SOX6: variants seen among roughly 807,000 people sequenced by gnomAD.
SOX6 encodes SRY-box transcription factor 6.
SOX6 carries 11 observed loss-of-function variants against 97.8 expected under a neutral mutation model. The observed-to-expected ratio is 0.11, with a 90% CI of 0.07 to 0.19. The LOEUF is 0.19. SOX6 is among the 10% of genes least tolerant of loss of function. The pLI is 1.00. For missense variants in SOX6, 810 were observed against 1,039.5 expected, an observed-to-expected ratio of 0.78 and a Z score of 3.04; for synonymous variants, 360 against 371.4, an observed-to-expected ratio of 0.97 and a Z score of 0.35.
intron 1 of SOX6, among the ~76,000 whole-genome samples, chr11:16,411,951 A>G (rs1858829262): frequency 6.6e-6 from 1 of 152,220 alleles, no homozygotes; most frequent in Non-Finnish European, 1.5e-5. Context: ...CTTCAGACAT[A>G]AGCAGATAAA....
chr11:16,688,750 T>C (rs188726157), intron 3 of SOX6, among the ~76,000 whole-genome samples: 60 of 152,362 alleles, frequency 3.9e-4, no homozygotes, highest in Non-Finnish European at 6.2e-4. Context: ...GATTGTTTTC[T>C]TCCTATTAGG....
chr11:16,437,760 A>G (rs999586836), intron 1 of SOX6, among the ~76,000 whole-genome samples: 3 of 140,310 alleles, frequency 2.1e-5, no homozygotes, highest in Non-Finnish European at 4.9e-5. Context: ...GGGGAAAATT[A>G]TTTAACTTGT....
intron 4 of SOX6, among the ~76,000 whole-genome samples, chr11:16,195,779 C>T (rs973046131): frequency 6.6e-6 from 1 of 152,150 alleles, no homozygotes; most frequent in African/African-American, 2.4e-5. Flanking sequence ...CCGGCATTCT[C>T]CAGCATTCCA....
intron 4 of SOX6, among the ~76,000 whole-genome samples, chr11:16,513,801 A>G (rs538192135): frequency 6.6e-6 from 1 of 152,332 alleles, no homozygotes; most frequent in African/African-American, 2.4e-5. Context: ...CACAATGCCG[A>G]CATATATAAA....
intron 4 of SOX6, among the ~76,000 whole-genome samples, chr11:16,602,616 C>T (rs1848283944): frequency 6.6e-6 from 1 of 152,210 alleles, no homozygotes; most frequent in Admixed American, 6.5e-5. Context: ...CATAACTTTT[C>T]TCCTGTTACA....
chr11:16,139,951 T>TTATATATATATA (rs149983908), intron 6 of SOX6, among the ~76,000 whole-genome samples: 51 of 124,706 alleles, frequency 4.1e-4, no homozygotes, highest in African/African-American at 1.7e-3. Flanking sequence ...GGCTCATATA[T>TTATATATATATA]TATATATATA....
chr11:16,345,243 A>C (rs1378851716), intron 1 of SOX6, among the ~76,000 whole-genome samples: 1 of 152,050 alleles, frequency 6.6e-6, no homozygotes, highest in Non-Finnish European at 1.5e-5. Flanking sequence ...TACATTGTCA[A>C]CTTATCACAT....
intron 12 of SOX6, among the ~76,000 whole-genome samples, chr11:16,030,468 T>C (rs926736646): frequency 6.6e-6 from 1 of 152,220 alleles, no homozygotes; most frequent in Admixed American, 6.5e-5. Context: ...TTCTCTTTAG[T>C]ATGGTTTCTA....
At chr11:16,655,215 T>TC (rs1252824406) in intron 3 of SOX6, among the ~76,000 whole-genome samples, 2 of 151,906 alleles carry the variant, frequency 1.3e-5, no homozygotes, top group Non-Finnish European at 2.9e-5. Flanking sequence ...GTGAAAGGAC[T>TC]GACGTTTGGT....
At chr11:16,679,764 A>C (rs1440986891) in intron 3 of SOX6, among the ~76,000 whole-genome samples, 1 of 152,184 alleles carries the variant, frequency 6.6e-6, no homozygotes, top group Non-Finnish European at 1.5e-5. Context: ...GAAGACCTTA[A>C]ATGACCTGAT....
chr11:15,994,058 C>A (rs2119828898), intron 13 of SOX6, among the ~76,000 whole-genome samples: 1 of 152,230 alleles, frequency 6.6e-6, no homozygotes, highest in South Asian at 2.1e-4. Flanking sequence ...TTCATATGTA[C>A]CCAGCATTGT....
intron 3 of SOX6, among the ~76,000 whole-genome samples, chr11:16,623,232 A>T (rs1216862038): frequency 6.6e-6 from 1 of 151,840 alleles, no homozygotes; most frequent in Non-Finnish European, 1.5e-5. Context: ...TGTTGGTCAG[A>T]CTAGTCTCGA....
chr11:16,140,208 T>C (rs1032860483), intron 6 of SOX6, among the ~76,000 whole-genome samples: 3 of 152,110 alleles, frequency 2.0e-5, no homozygotes, highest in Non-Finnish European at 2.9e-5. Flanking sequence ...GAGAAGCCAC[T>C]TTCCTAATAG....
intron 6 of SOX6, among the ~76,000 whole-genome samples, chr11:16,126,082 C>T (rs983837744): frequency 1.3e-5 from 2 of 152,036 alleles, no homozygotes; most frequent in African/African-American, 4.8e-5. Context: ...CTTGTAGTCA[C>T]AATACCCATG....
intron 4 of SOX6, among the ~76,000 whole-genome samples, chr11:16,498,177 A>C (rs914610227): frequency 6.6e-6 from 1 of 152,242 alleles, no homozygotes; most frequent in Admixed American, 6.5e-5. Context: ...ATTCTTGAAG[A>C]AAAGAATTTT....
chr11:16,187,207 C>A (rs2134106984), intron 4 of SOX6, among the ~76,000 whole-genome samples: 1 of 152,130 alleles, frequency 6.6e-6, no homozygotes, highest in South Asian at 2.1e-4. Context: ...CCCTCTTGCT[C>A]TAAAAAAAGC....
intron 6 of SOX6, among the ~76,000 whole-genome samples, chr11:16,116,764 G>C (rs564096160): frequency 6.6e-6 from 1 of 152,310 alleles, no homozygotes; most frequent in South Asian, 2.1e-4. Flanking sequence ...CAGGAGGTAA[G>C]CAGCGGGCAA....
At chr11:16,682,581 C>T (rs1847936448) in intron 3 of SOX6, among the ~76,000 whole-genome samples, 1 of 152,192 alleles carries the variant, frequency 6.6e-6, no homozygotes, top group Non-Finnish European at 1.5e-5. Context: ...ATTGATGGAA[C>T]ATATCTCAAA....
intron 1 of SOX6, among the ~76,000 whole-genome samples, chr11:16,408,305 G>T (rs1858726681): frequency 7.4e-6 from 1 of 134,234 alleles, no homozygotes; most frequent in Admixed American, 7.1e-5. Context: ...TGACAGAGAG[G>T]CAAAGAGAAA....
Sources: allele counts gnomAD v4.1 joint callset (sites outside exome capture counted in the v4.1 genomes callset), GRCh38; gene constraint gnomAD v4.1.1; transcripts MANE v1.5; gene names NCBI Gene and HGNC (gene_info 2026-07-23, HGNC 2026-07-21).